The following CTNNA3 variants were observed in gnomAD, a reference collection of about 807,000 sequenced individuals.
CTNNA3 encodes the protein catenin alpha 3, also known as catenin alpha-3.
A neutral mutation model predicts 95.7 loss-of-function variants in CTNNA3; 76 were observed. The observed-to-expected ratio is 0.79, with a 90% CI of 0.66 to 0.96. The LOEUF (loss-of-function observed/expected upper bound fraction) is 0.96. Among genes scored for constraint, CTNNA3 ranks in the 40% least tolerant of loss-of-function variants. CTNNA3 has a pLI of 0.00. For synonymous variants in CTNNA3, 431 were observed against 374.4 expected, an observed-to-expected ratio of 1.15 and a Z score of -1.74; for missense variants, 1,191 against 1,089.8, an observed-to-expected ratio of 1.09 and a Z score of -1.31.
chr10:66,540,092 T>C (rs983556790), intron 10 of CTNNA3, among the ~76,000 whole-genome samples: 3 of 152,062 alleles, frequency 2.0e-5, no homozygotes, highest in South Asian at 2.1e-4. Flanking sequence ...TAAGAAGAGG[T>C]ATTACATCCT....
chr10:66,849,234 T>C (rs1300766869), intron 7 of CTNNA3, among the ~76,000 whole-genome samples: 2 of 152,176 alleles, frequency 1.3e-5, no homozygotes, highest in Admixed American at 1.3e-4. Context: ...GTTCAAGATA[T>C]GCAAATTTTT....
chr10:66,685,497 C>T (rs1295566341), intron 9 of CTNNA3, among the ~76,000 whole-genome samples: 8 of 146,406 alleles, frequency 5.5e-5, no homozygotes, highest in African/African-American at 7.6e-5. Context: ...CTCAGCCTCC[C>T]AAGTAGCTGG....
At chr10:67,033,032 A>G (rs760350197) in intron 7 of CTNNA3, among the ~76,000 whole-genome samples, 3 of 152,230 alleles carry the variant, frequency 2.0e-5, no homozygotes, top group Non-Finnish European at 2.9e-5. Context: ...ACTTTTACCA[A>G]TGCCTAAAGG....
intron 9 of CTNNA3, among the ~76,000 whole-genome samples, chr10:66,647,215 G>A (rs758057175): frequency 7.9e-5 from 12 of 152,096 alleles, no homozygotes; most frequent in Non-Finnish European, 1.2e-4. Context: ...CTACAAGCCA[G>A]GAGAGTCAAA....
chr10:67,128,837 A>G (rs1391346152), intron 7 of CTNNA3, among the ~76,000 whole-genome samples: 2 of 152,186 alleles, frequency 1.3e-5, no homozygotes, highest in Non-Finnish European at 2.9e-5. Context: ...TTTAAAAAGT[A>G]AAAGAAAAAA....
intron 13 of CTNNA3, among the ~76,000 whole-genome samples, chr10:66,108,684 T>G (rs771135282): frequency 1.3e-5 from 2 of 152,176 alleles, no homozygotes; most frequent in African/African-American, 2.4e-5. Context: ...ATAGGGATGT[T>G]GTTTGTCTTG....
At chr10:67,751,823 A>G in intron 1 of CTNNA3, among the ~76,000 whole-genome samples, 1 of 151,212 alleles carries the variant, frequency 6.6e-6, no homozygotes, top group East Asian at 2.0e-4. Flanking sequence ...GGCAGTAATA[A>G]ATAGCTACCA....
intron 3 of CTNNA3, among the ~76,000 whole-genome samples, chr10:67,562,366 C>T (rs1304440906): frequency 5.9e-5 from 9 of 151,992 alleles, no homozygotes; most frequent in Non-Finnish European, 1.2e-4. Flanking sequence ...ATCCAGCATA[C>T]AAACAGAACC....
In CTNNA3 at chr10:66,998,695, T is replaced by C. The variant is rs559191224; in HGVS notation, c.1047+181622A>G. On this transcript the variant is annotated intron_variant, in intron 7 of 17. Transcript: ENST00000433211. The stretch of plus-strand genomic sequence containing the variant: ...CAAACTCATATGTGAGAAATAACAT[T>C]GTCCAGAATATACAAAGTAAAATTG... Among the ~76,000 whole-genome samples, 9 of 152,238 alleles carry C rather than the reference T, an allele frequency of 5.9e-5. No homozygotes were observed. The East Asian group carries it at 1.4e-3, about 23-fold the overall frequency.
chr10:66,239,835 A>G (rs910423664), intron 13 of CTNNA3, among the ~76,000 whole-genome samples: 2 of 151,950 alleles, frequency 1.3e-5, no homozygotes, highest in African/African-American at 4.8e-5. Flanking sequence ...TTGACACAAA[A>G]TCCTATACAT....
At chr10:67,654,674 G>C (rs1158913456) in intron 1 of CTNNA3, among the ~76,000 whole-genome samples, 2 of 151,914 alleles carry the variant, frequency 1.3e-5, no homozygotes, top group Non-Finnish European at 2.9e-5. Context: ...TCTAAGAGAA[G>C]GTTTCTTAAA....
At chr10:66,045,964 T>A (rs1377593777) in intron 15 of CTNNA3, among the ~76,000 whole-genome samples, 1 of 151,998 alleles carries the variant, frequency 6.6e-6, no homozygotes, top group Non-Finnish European at 1.5e-5. Context: ...AAAGAGGGAG[T>A]GGCCAAGATG....
intron 11 of CTNNA3, among the ~76,000 whole-genome samples, chr10:66,492,249 G>T (rs1429695357): frequency 6.6e-6 from 1 of 151,982 alleles, no homozygotes; most frequent in Non-Finnish European, 1.5e-5. Context: ...TATTATAGGA[G>T]GCCCAATTTC....
chr10:67,022,777 A>G (rs553632693), intron 7 of CTNNA3, among the ~76,000 whole-genome samples: 200 of 152,154 alleles, frequency 1.3e-3, no homozygotes, highest in African/African-American at 4.6e-3. Context: ...CTCTGCTAAA[A>G]ATACAAAAAA....
chr10:66,043,811 T>C (rs1363774706), intron 15 of CTNNA3, among the ~76,000 whole-genome samples: 3 of 152,134 alleles, frequency 2.0e-5, no homozygotes, highest in African/African-American at 7.2e-5. Context: ...TAAACACCAG[T>C]CAAACACATG....
At chr10:67,107,919 T>C (rs1197726354) in intron 7 of CTNNA3, among the ~76,000 whole-genome samples, 1 of 152,202 alleles carries the variant, frequency 6.6e-6, no homozygotes, top group Non-Finnish European at 1.5e-5. Flanking sequence ...GCAGGGACTC[T>C]GGCCTTGCGG....
chr10:66,985,417 C>T (rs1850673278), intron 7 of CTNNA3, among the ~76,000 whole-genome samples: 1 of 152,092 alleles, frequency 6.6e-6, no homozygotes, highest in Admixed American at 6.6e-5. Flanking sequence ...CAACAGGAAC[C>T]TGGCCTTAGG....
chr10:67,630,411 T>C (rs1839105395), intron 2 of CTNNA3, among the ~76,000 whole-genome samples: 1 of 152,190 alleles, frequency 6.6e-6, no homozygotes. Context: ...GAAGCACATG[T>C]TGAGATAAGT....
At chr10:66,199,805 A>ATATATTT (rs1564756586) in intron 13 of CTNNA3, among the ~76,000 whole-genome samples, 2 of 14,278 alleles carry the variant, frequency 1.4e-4, no homozygotes, top group African/African-American at 3.9e-4. Context: ...ATATATATAT[A>ATATATTT]TTTTTTTTTT....
Sources: allele counts gnomAD v4.1 joint callset (sites outside exome capture counted in the v4.1 genomes callset), GRCh38; gene constraint gnomAD v4.1.1; transcripts MANE v1.5; gene names NCBI Gene and HGNC (gene_info 2026-07-23, HGNC 2026-07-21).